The following TMEM131 variants were observed in gnomAD, a reference collection of about 807,000 sequenced individuals.
TMEM131 encodes transmembrane protein 131.
A neutral mutation model predicts 211.6 loss-of-function variants in TMEM131; 66 were observed. The ratio of observed to expected loss-of-function variants is 0.31; its 90% CI spans 0.26 to 0.38. TMEM131 has a LOEUF of 0.38. Ranked by LOEUF, TMEM131 falls within the 10% of genes least tolerant of loss-of-function variation. The probability of loss-of-function intolerance (pLI) is 1.00; values close to 1 mark genes in which losing one functional copy is unlikely to be tolerated. For missense variants in TMEM131, 2,036 were observed against 2,299.3 expected (o/e 0.89, Z 2.34); for synonymous variants, 844 against 841.3 (o/e 1.00, Z -0.06).
chr2:97,809,332 C>T (rs950664028), intron 19 of TMEM131, among the ~76,000 whole-genome samples: 3 of 152,196 alleles, frequency 2.0e-5, no homozygotes, highest in Admixed American at 6.5e-5. Context: ...CCTAGATTCA[C>T]GTCTCTGCCA....
At chr2:97,846,326 A>C (rs935195574) in intron 5 of TMEM131, among the ~76,000 whole-genome samples, 9 of 152,246 alleles carry the variant, frequency 5.9e-5, no homozygotes, top group African/African-American at 2.2e-4. Context: ...GAGGCAAGAT[A>C]TAAAACGGGC....
chr2:97,805,371 C>T lies in TMEM131; in HGVS notation c.2284+5G>A. 6.2e-7 allele frequency: 1 copy of T among 1,613,070 alleles called. No individual in the cohort carries two copies. The highest frequency in any genetic ancestry group is 8.5e-7 in the Non-Finnish European group (1 of 1,179,284). The stretch of plus-strand genomic sequence containing the variant: ...GACATGAGAGAGAACAGCAAGGTCA[C>T]TTACATTTGGATAGAAAAGGCAAGC... On this transcript the variant is annotated splice_donor_5th_base_variant and intron_variant, in intron 21 of 40. Transcript: ENST00000186436.
intron 1 of TMEM131, among the ~76,000 whole-genome samples, chr2:97,967,200 T>C (rs1034166028): frequency 6.6e-6 from 1 of 152,208 alleles, no homozygotes; most frequent in Non-Finnish European, 1.5e-5. Flanking sequence ...CACAGGTCTG[T>C]GTATACAGTC....
chr2:97,982,832 G>C (rs993446679), intron 1 of TMEM131, among the ~76,000 whole-genome samples: 12 of 152,188 alleles, frequency 7.9e-5, no homozygotes, highest in Admixed American at 7.9e-4. Context: ...TGATGTCAGA[G>C]GCCATGAACC....
rs1386122853 is a variant in TMEM131, at chr2:97,867,069, T to TC, written c.360-7643dup. Reference sequence around the variant, plus strand: ...GAATGTTCAGCCTGTATTGTTTAAATCCATTTAAAATTACTAGTGTTTGTA... The same window carrying TC: ...GAATGTTCAGCCTGTATTGTTTAAATCCCATTTAAAATTACTAGTGTTTGTA... On this transcript the variant is annotated intron_variant, in intron 4 of 40. Coordinates refer to ENST00000186436, the MANE Select transcript of TMEM131 (RefSeq NM_015348.2). 5.9e-5 allele frequency among the ~76,000 whole-genome samples: 9 copies of TC among 152,342 alleles called. No homozygotes were observed. In the East Asian group the frequency reaches 1.3e-3, roughly 23 times the overall value.
intron 2 of TMEM131, among the ~76,000 whole-genome samples, chr2:97,912,575 C>T (rs1381562040): frequency 6.6e-6 from 1 of 152,206 alleles, no homozygotes; most frequent in East Asian, 1.9e-4. Context: ...TCTTAACTCA[C>T]TGCAAATTCT....
chr2:97,783,539 T>C (rs772624498), intron 31 of TMEM131, among the ~76,000 whole-genome samples: 7 of 152,168 alleles, frequency 4.6e-5, no homozygotes, highest in East Asian at 3.9e-4. Context: ...AAGGTTTCTA[T>C]AGTTCACTTG....
chr2:97,758,155 T>C (rs1207046879), intron 40 of TMEM131, among the ~76,000 whole-genome samples: 9 of 151,672 alleles, frequency 5.9e-5, no homozygotes, highest in Non-Finnish European at 1.2e-4. Context: ...AAAAGTTTGC[T>C]GACTTCTCTT....
chr2:97,797,257 G>A, intron 26 of TMEM131, 108 bp downstream of exon 26: 1 of 1,129,566 alleles, frequency 8.9e-7, no homozygotes, highest in Non-Finnish European at 1.3e-6. Flanking sequence ...TTTGGACAAA[G>A]TGAATTCAAA....
intron 5 of TMEM131, among the ~76,000 whole-genome samples, chr2:97,854,558 A>G (rs1673762262): frequency 6.6e-6 from 1 of 152,138 alleles, no homozygotes; most frequent in Non-Finnish European, 1.5e-5. Context: ...CCTATTTTTG[A>G]TGAACAATGA....
intron 19 of TMEM131, among the ~76,000 whole-genome samples, chr2:97,806,562 C>T (rs1470845072): frequency 6.6e-6 from 1 of 151,988 alleles, no homozygotes; most frequent in Non-Finnish European, 1.5e-5. Context: ...CAAACAAAAA[C>T]CCCAGCACAC....
chr2:97,892,931 G>A (rs1559429178), intron 3 of TMEM131, among the ~76,000 whole-genome samples: 1 of 151,940 alleles, frequency 6.6e-6, no homozygotes, highest in Non-Finnish European at 1.5e-5. Context: ...AAATTCTGGG[G>A]TACATGTGCA....
chr2:97,884,793 T>A (rs951327165), intron 4 of TMEM131, among the ~76,000 whole-genome samples: 3 of 152,256 alleles, frequency 2.0e-5, no homozygotes, highest in African/African-American at 7.2e-5. Context: ...CCCTTCACTC[T>A]CAGTCTGTAT....
At chr2:97,841,670 T>C (rs866528074) in intron 7 of TMEM131, 145 bp downstream of exon 7, 5 of 797,916 alleles carry the variant, frequency 6.3e-6, no homozygotes, top group Non-Finnish European at 6.9e-6. Context: ...TGCAGCAAGC[T>C]GTACTAAAAG....
chr2:97,784,502 AATTATTC>A (rs1223174237), intron 31 of TMEM131, among the ~76,000 whole-genome samples: 9 of 152,106 alleles, frequency 5.9e-5, no homozygotes. Context: ...CACACTTCTA[AATTATTC>A]ATGGGTCACA....
intron 3 of TMEM131, among the ~76,000 whole-genome samples, chr2:97,899,212 C>G (rs1427422564): frequency 6.6e-6 from 1 of 152,062 alleles, no homozygotes; most frequent in African/African-American, 2.4e-5. Context: ...AGTAACATAA[C>G]CATCCCAGCA....
At chr2:97,758,849 GGGTGGGCCA>G (rs1422772577) in intron 40 of TMEM131, 35 bp downstream of exon 40, 15 of 1,569,914 alleles carry the variant, frequency 9.6e-6, no homozygotes, top group Non-Finnish European at 1.2e-5. Context: ...GATGGCGAGT[GGGTGGGCCA>G]GGTCCAGGCC....
At chr2:97,902,247 G>A (rs1675886819) in intron 3 of TMEM131, among the ~76,000 whole-genome samples, 1 of 152,154 alleles carries the variant, frequency 6.6e-6, no homozygotes, top group African/African-American at 2.4e-5. Flanking sequence ...TTAGAATACA[G>A]TATTTTGACA....
intron 32 of TMEM131, among the ~76,000 whole-genome samples, chr2:97,773,696 G>A (rs79390201): frequency 0.012 from 1,810 of 150,730 alleles, 40 homozygotes; most frequent in African/African-American, 0.041. Context: ...TGTCACCCCT[G>A]GGCTCAAGTG....
Sources: allele counts gnomAD v4.1 joint callset (sites outside exome capture counted in the v4.1 genomes callset), GRCh38; gene constraint gnomAD v4.1.1; transcripts MANE v1.5; gene names NCBI Gene and HGNC (gene_info 2026-07-23, HGNC 2026-07-21).